DAOA: variants seen among roughly 807,000 people sequenced by gnomAD.
The protein encoded by DAOA is D-amino acid oxidase activator, also known as D-amino acid oxidase regulator.
A neutral mutation model predicts 16.4 loss-of-function variants in DAOA; 15 were observed. The observed-to-expected ratio is 0.91, with a 90% CI of 0.61 to 1.41. DAOA has a LOEUF of 1.41. Ranked by LOEUF, DAOA falls within the 40% of genes most tolerant of loss-of-function variation. The pLI, the probability that DAOA is intolerant of heterozygous loss-of-function variation, is 0.00. For synonymous variants in DAOA, 75 were observed against 59.1 expected (o/e 1.27, Z -1.23); for missense variants, 230 against 176.8 (o/e 1.30, Z -1.71).
intron 3 of DAOA, among the ~76,000 whole-genome samples, chr13:105,470,285 C>T (rs1222879331): frequency 6.6e-6 from 1 of 152,074 alleles, no homozygotes; most frequent in African/African-American, 2.4e-5. Context: ...ATATAAAATG[C>T]TATTCTTTTC....
Position 105,490,028 on chromosome 13 carries a change from C to A in DAOA, c.409C>A (p.Gln137Lys). The A allele has an allele frequency of 6.2e-7, 1 of 1,606,984 alleles. No individual in the cohort carries two copies. The highest frequency in any genetic ancestry group is 8.5e-7 in the Non-Finnish European group (1 of 1,176,482). Residue 137 changes from glutamine (Q) to lysine (K), a missense_variant, in exon 5 of 6, where the codon CAA (glutamine) becomes AAA (lysine). Physicochemically the swap from Gln to Lys is moderately conservative, Grantham distance 53. Transcript: ENST00000375936. ...ERMWTCNYNQ[Q>K]KDQSCNHKEI... Reference sequence around the variant, plus strand: ...AATGTGGACCTGCAACTACAACCAGCAAAAAGACCAGTCATGCAACCACAA... The same window carrying A: ...AATGTGGACCTGCAACTACAACCAGAAAAAAGACCAGTCATGCAACCACAA...
chr13:105,473,150 C>T (rs1432229339), intron 4 of DAOA, among the ~76,000 whole-genome samples: 4 of 111,694 alleles, frequency 3.6e-5, no homozygotes, highest in East Asian at 2.8e-4. Context: ...ACACTGCCTA[C>T]GTGAGAGTGT....
intron 4 of DAOA, 53 bp from the exon 5 acceptor site, chr13:105,489,848 G>A: frequency 6.2e-7 from 1 of 1,613,654 alleles, no homozygotes; most frequent in Non-Finnish European, 8.5e-7. Flanking sequence ...TGACTCCGGT[G>A]ATGAGGTTAC....
At chr13:105,475,979 C>A (rs990345738) in intron 4 of DAOA, among the ~76,000 whole-genome samples, 11 of 152,030 alleles carry the variant, frequency 7.2e-5, no homozygotes, top group Non-Finnish European at 1.6e-4. Flanking sequence ...TGAATGCACA[C>A]ACATATATAT....
intron 4 of DAOA, among the ~76,000 whole-genome samples, chr13:105,486,992 A>G (rs1348001480): frequency 6.6e-6 from 1 of 151,994 alleles, no homozygotes; most frequent in Admixed American, 6.6e-5. Flanking sequence ...CTACATTTCC[A>G]AACAATTCCA....
rs758569691 is a variant in DAOA, at chr13:105,489,924, T to A, written c.305T>A (p.Val102Asp). ...YAELEEVSSH[V>D]GKVFMARNYE... is the part of the protein sequence containing the mutation. Reference sequence around the variant, plus strand: ...AGGCTTGAAGAAGTAAGCAGCCATGTTGGAAAAGTCTTCATGGCAAGAAAC... The same window carrying A: ...AGGCTTGAAGAAGTAAGCAGCCATGATGGAAAAGTCTTCATGGCAAGAAAC... The change falls in exon 5 of 6, where the codon GTT (valine) becomes GAT (aspartate). Residue 102 changes from valine (V) to aspartate (D), a missense_variant. Physicochemically the swap from Val to Asp is radical, Grantham distance 152. Transcript: ENST00000375936. 6.2e-7 allele frequency: 1 copy of A among 1,613,870 alleles called. No homozygotes were observed. The highest frequency in any genetic ancestry group is 2.2e-5 in the East Asian group (1 of 44,862).
rs1877943254 is a variant in DAOA, at chr13:105,484,068, A to T, written c.282-5833A>T. 2.0e-5 allele frequency among the ~76,000 whole-genome samples: 3 copies of T among 152,164 alleles called. 1 individual carries two copies. Among genetic ancestry groups the T allele is most frequent in the Admixed American group, 6.5e-5 (1 of 15,268 alleles). On this transcript the variant is annotated intron_variant, in intron 4 of 5. Coordinates refer to ENST00000375936, the MANE Select transcript of DAOA (RefSeq NM_172370.5). ...GAGTTAAATTTTAAATATGGATCAA[A>T]GATTAACCGTTTTGTAATGAATACC...
chr13:105,474,644 A>G (rs548538200), intron 4 of DAOA, among the ~76,000 whole-genome samples: 3 of 152,294 alleles, frequency 2.0e-5, no homozygotes, highest in African/African-American at 7.2e-5. Context: ...AAAATCTGAC[A>G]TGCATAAATT....
chr13:105,470,018 T>A (rs1419666945), intron 3 of DAOA, among the ~76,000 whole-genome samples: 1 of 152,166 alleles, frequency 6.6e-6, no homozygotes, highest in Non-Finnish European at 1.5e-5. Context: ...TAATGGATTT[T>A]TACTTGGTTA....
At position 105,466,484 on chromosome 13, in the gene DAOA, A is replaced by G. The variant is rs774794818; in HGVS notation, c.44+152A>G. On this transcript the variant is annotated intron_variant, in intron 2 of 5. Coordinates refer to ENST00000375936, the MANE Select transcript of DAOA (RefSeq NM_172370.5). ...TGAGCCCAGTATATGGTTCAGCCTT[A>G]CTTTCTCCCATATTCTGTCAGTCAA... is the stretch of plus-strand genomic sequence containing the variant. 5 of 1,262,824 alleles carry G rather than the reference A, an allele frequency of 4.0e-6. No individual in the cohort carries two copies. In the South Asian group the frequency reaches 6.2e-5, roughly 16 times the overall value. 78.2% of individuals were successfully genotyped at this position (1,262,824 alleles called of 1,614,324 possible). A position where few individuals can be genotyped will look rare whatever the true frequency, so the allele number is the denominator to read the frequency against.
At chr13:105,479,590 C>G (rs891442592) in intron 4 of DAOA, among the ~76,000 whole-genome samples, 1 of 152,166 alleles carries the variant, frequency 6.6e-6, no homozygotes, top group African/African-American at 2.4e-5. Flanking sequence ...TCAATCTCTA[C>G]CTCTGTCTTC....
chr13:105,472,790 T>G, intron 4 of DAOA, 105 bp downstream of exon 4: 1 of 1,003,196 alleles, frequency 1.0e-6, no homozygotes, highest in Non-Finnish European at 1.4e-6. Context: ...TAGATTATAC[T>G]TCATGTTGAA....
At chr13:105,469,064 G>A (rs77904360) in intron 3 of DAOA, among the ~76,000 whole-genome samples, 5,604 of 152,238 alleles carry the variant, frequency 0.037, 132 homozygotes, top group East Asian at 0.066. Context: ...GTATGTTTCA[G>A]CATGTATATA....
At chr13:105,469,891 G>T (rs1053130201) in intron 3 of DAOA, among the ~76,000 whole-genome samples, 7 of 152,092 alleles carry the variant, frequency 4.6e-5, no homozygotes, top group Non-Finnish European at 8.8e-5. Context: ...TGTTTTCTCA[G>T]TCTCTATTGA....
chr13:105,478,593 C>T (rs1485533955), intron 4 of DAOA, among the ~76,000 whole-genome samples: 2 of 152,162 alleles, frequency 1.3e-5, no homozygotes, highest in African/African-American at 4.8e-5. Context: ...CAGTTGCCTA[C>T]ATTTAGACTA....
At position 105,472,198 on chromosome 13, in the gene DAOA, C is replaced by T. The variant is rs151279252; in HGVS notation, c.134-340C>T. Among the ~76,000 whole-genome samples, 878 of 152,256 alleles carry T rather than the reference C, an allele frequency of 5.8e-3. 14 individuals carry two copies. The highest frequency in any genetic ancestry group is 0.02 in the African/African-American group (820 of 41,544). ...ACATGTTATTTAAGTATGGTATAGG[C>T]AATCCATTTCATGAGGAACAAAGAA... On this transcript the variant is annotated intron_variant, in intron 3 of 5. Transcript: ENST00000375936.
intron 4 of DAOA, among the ~76,000 whole-genome samples, chr13:105,478,692 C>T (rs1163757990): frequency 2.6e-5 from 4 of 152,182 alleles, no homozygotes; most frequent in African/African-American, 7.2e-5. Context: ...AGCATCTTGA[C>T]TCCAACTGTA....
At chr13:105,486,246 T>C (rs1002130725) in intron 4 of DAOA, among the ~76,000 whole-genome samples, 2 of 152,134 alleles carry the variant, frequency 1.3e-5, no homozygotes, top group African/African-American at 2.4e-5. Context: ...CGCTCACTCA[T>C]TGGAGTGTTT....
At chr13:105,480,927 G>A (rs1343238488) in intron 4 of DAOA, among the ~76,000 whole-genome samples, 1 of 150,934 alleles carries the variant, frequency 6.6e-6, no homozygotes, top group Non-Finnish European at 1.5e-5. Context: ...GTCCACTGAC[G>A]CAGATGCCAA....
Sources: allele counts gnomAD v4.1 joint callset (sites outside exome capture counted in the v4.1 genomes callset), GRCh38; gene constraint gnomAD v4.1.1; transcripts MANE v1.5; gene names NCBI Gene and HGNC (gene_info 2026-07-23, HGNC 2026-07-21).